THSD4: variants seen among roughly 807,000 people sequenced by gnomAD.
THSD4 encodes the protein thrombospondin type-1 domain-containing protein 4.
A neutral mutation model predicts 119.0 loss-of-function variants in THSD4; 69 were observed. The ratio of observed to expected loss-of-function variants is 0.58; its 90% CI spans 0.48 to 0.71. The LOEUF (loss-of-function observed/expected upper bound fraction) is 0.71. Ranked by LOEUF, THSD4 falls within the 30% of genes least tolerant of loss-of-function variation. The pLI is 0.00. For missense variants in THSD4, 1,393 were observed against 1,391.1 expected (o/e 1.00, Z -0.02); for synonymous variants, 524 against 540.4 (o/e 0.97, Z 0.42).
intron 3 of THSD4, among the ~76,000 whole-genome samples, chr15:71,204,983 C>G (rs1469548755): frequency 1.3e-5 from 2 of 152,242 alleles, no homozygotes; most frequent in East Asian, 3.9e-4. Context: ...CAGTTTAGCC[C>G]TTTTCTTTTT....
chr15:71,744,716 G>A (rs1041859956), intron 11 of THSD4, among the ~76,000 whole-genome samples: 14 of 152,058 alleles, frequency 9.2e-5, no homozygotes, highest in East Asian at 1.9e-4. Context: ...TCTCTTTGAC[G>A]CTTCCAGAGA....
intron 6 of THSD4, among the ~76,000 whole-genome samples, chr15:71,354,880 A>G (rs1464929937): frequency 1.3e-5 from 2 of 152,142 alleles, no homozygotes. Context: ...TGCTTAGAAC[A>G]TTTCATCTTG....
At chr15:71,353,717 C>T (rs1339274471) in intron 6 of THSD4, among the ~76,000 whole-genome samples, 1 of 152,196 alleles carries the variant, frequency 6.6e-6, no homozygotes. Flanking sequence ...TTGTAGAATG[C>T]ACTGTCCCGA....
chr15:71,554,596 G>C (rs1004093860), intron 7 of THSD4, among the ~76,000 whole-genome samples: 1 of 152,046 alleles, frequency 6.6e-6, no homozygotes, highest in Non-Finnish European at 1.5e-5. Context: ...CTGTGTTACT[G>C]TGTTGCCCAG....
At chr15:71,422,009 C>T (rs2046815463) in intron 7 of THSD4, among the ~76,000 whole-genome samples, 1 of 152,176 alleles carries the variant, frequency 6.6e-6, no homozygotes, top group African/African-American at 2.4e-5. Context: ...AGAAATTCTG[C>T]TTGATTCTTT....
intron 6 of THSD4, among the ~76,000 whole-genome samples, chr15:71,302,657 C>T (rs2044968421): frequency 6.6e-6 from 1 of 152,100 alleles, no homozygotes; most frequent in Non-Finnish European, 1.5e-5. Context: ...TCCAAACATG[C>T]TCCTGCCCAT....
chr15:71,736,288 G>A (rs1476073429), intron 10 of THSD4, among the ~76,000 whole-genome samples: 7 of 113,126 alleles, frequency 6.2e-5, no homozygotes, highest in South Asian at 6.3e-4. Flanking sequence ...TGTCTCTCTC[G>A]CTCTCTGTCT....
intron 7 of THSD4, among the ~76,000 whole-genome samples, chr15:71,513,302 GT>G (rs149332541): frequency 3.4e-4 from 52 of 152,330 alleles, no homozygotes; most frequent in African/African-American, 1.2e-3. Flanking sequence ...TTCATAGACT[GT>G]TACAGCATTG....
chr15:71,392,092 G>A (rs563307298), intron 6 of THSD4, among the ~76,000 whole-genome samples: 2 of 152,268 alleles, frequency 1.3e-5, no homozygotes, highest in South Asian at 2.1e-4. Context: ...GGGCTCTGAC[G>A]ACAGCCCAAG....
rs573411017 is a variant in THSD4 at position 71,414,735 on chromosome 15, A to T, written c.1152+2912A>T. On this transcript the variant is annotated intron_variant, in intron 7 of 17. Transcript: ENST00000261862. The stretch of plus-strand genomic sequence containing the variant: ...ATGGATTCTTACTAATTGATGAAAA[A>T]CATTCAAACTTTACGGCAACACAGT... Among the ~76,000 whole-genome samples, 142 of 152,340 alleles carry T rather than the reference A, an allele frequency of 9.3e-4. 5 individuals carry two copies. The South Asian group carries it at 0.028, about 30-fold the overall frequency.
At chr15:71,280,952 G>T (rs925824082) in intron 6 of THSD4, among the ~76,000 whole-genome samples, 4 of 152,170 alleles carry the variant, frequency 2.6e-5, no homozygotes, top group African/African-American at 7.2e-5. Flanking sequence ...TAATTCATGG[G>T]GGCAATGTTT....
intron 1 of THSD4, among the ~76,000 whole-genome samples, chr15:71,122,449 A>G (rs1049094356): frequency 3.3e-5 from 5 of 152,222 alleles, no homozygotes. Context: ...CTCTCAGGCC[A>G]GTTAGTGAGT....
At chr15:71,658,944 T>G (rs942318993) in intron 7 of THSD4, among the ~76,000 whole-genome samples, 1 of 152,178 alleles carries the variant, frequency 6.6e-6, no homozygotes, top group Non-Finnish European at 1.5e-5. Flanking sequence ...GGCATGCAAC[T>G]AGAGGGGAAG....
At chr15:71,412,807 T>C (rs1275357178) in intron 7 of THSD4, among the ~76,000 whole-genome samples, 1 of 152,198 alleles carries the variant, frequency 6.6e-6, no homozygotes, top group African/African-American at 2.4e-5. Context: ...AGGATTGATA[T>C]TCTCAGATTT....
chr15:71,134,320 G>C (rs2040529833), intron 1 of THSD4, among the ~76,000 whole-genome samples: 1 of 152,240 alleles, frequency 6.6e-6, no homozygotes, highest in Non-Finnish European at 1.5e-5. Context: ...AGGATTTCCT[G>C]AAAGGGCTGT....
At chr15:71,649,763 C>A (rs1567081511) in intron 7 of THSD4, among the ~76,000 whole-genome samples, 1 of 152,154 alleles carries the variant, frequency 6.6e-6, no homozygotes, top group Non-Finnish European at 1.5e-5. Flanking sequence ...TTTAATCCAT[C>A]TTGAGTTGAT....
At chr15:71,469,546 G>C (rs1268833065) in intron 7 of THSD4, among the ~76,000 whole-genome samples, 1 of 152,148 alleles carries the variant, frequency 6.6e-6, no homozygotes, top group Non-Finnish European at 1.5e-5. Context: ...AACTTCTTCT[G>C]AGAGCCCCCT....
intron 7 of THSD4, among the ~76,000 whole-genome samples, chr15:71,616,747 G>A (rs952841225): frequency 6.6e-6 from 1 of 152,230 alleles, no homozygotes; most frequent in Non-Finnish European, 1.5e-5. Context: ...ATGGAAAGCT[G>A]TAGATGAGAT....
At chr15:71,613,322 A>G (rs1264342912) in intron 7 of THSD4, among the ~76,000 whole-genome samples, 4 of 152,208 alleles carry the variant, frequency 2.6e-5, no homozygotes, top group African/African-American at 7.2e-5. Context: ...TTAATTTGGT[A>G]TCATTTAACA....
Sources: allele counts gnomAD v4.1 joint callset (sites outside exome capture counted in the v4.1 genomes callset), GRCh38; gene constraint gnomAD v4.1.1; transcripts MANE v1.5; gene names NCBI Gene and HGNC (gene_info 2026-07-23, HGNC 2026-07-21).